Variants in ABCC11 observed in about 807,000 individuals in gnomAD.
The protein encoded by ABCC11 is ATP binding cassette subfamily C member 11, also known as ATP-binding cassette sub-family C member 11.
In ABCC11, 135 loss-of-function variants were observed where a neutral mutation model predicts 149.3. The observed-to-expected ratio is 0.90, with a 90% CI of 0.79 to 1.04. The LOEUF is 1.04. Ranked by LOEUF, ABCC11 falls within the 50% of genes least tolerant of loss-of-function variation. The pLI, the probability that ABCC11 is intolerant of heterozygous loss-of-function variation, is 0.00. For synonymous variants in ABCC11, 665 were observed against 671.4 expected (o/e 0.99, Z 0.15); for missense variants, 1,680 against 1,722.1 (o/e 0.98, Z 0.43).
chr16:48,186,354 T>C (rs1437318105), intron 22 of ABCC11, among the ~76,000 whole-genome samples: 1 of 152,212 alleles, frequency 6.6e-6, no homozygotes, highest in Non-Finnish European at 1.5e-5. Flanking sequence ...ATCTACCTTC[T>C]TCAATCACGT....
intron 5 of ABCC11, chr16:48,223,812 C>G (rs1349910378): frequency 6.5e-6 from 1 of 152,746 alleles, no homozygotes; most frequent in Non-Finnish European, 1.5e-5. Context: ...CCATTATTTC[C>G]TGCTACCTAC....
At chr16:48,226,572 C>T (rs8047397) in intron 4 of ABCC11, among the ~76,000 whole-genome samples, 19,921 of 151,866 alleles carry the variant, frequency 0.13, 1,583 homozygotes, top group African/African-American at 0.23. Flanking sequence ...CCACTGCACC[C>T]GGCCAATCCA....
At chr16:48,202,163 A>G (rs1968042574) in intron 14 of ABCC11, among the ~76,000 whole-genome samples, 1 of 152,174 alleles carries the variant, frequency 6.6e-6, no homozygotes. Flanking sequence ...AACACTTTGT[A>G]TTAACTCATT....
chr16:48,247,096 T>TAG (rs2150956777), intron 1 of ABCC11, among the ~76,000 whole-genome samples: 1 of 152,428 alleles, frequency 6.6e-6, no homozygotes, highest in East Asian at 1.9e-4. Flanking sequence ...TCAGACCATC[T>TAG]AGTTATCCTA....
intron 4 of ABCC11, 110 bp downstream of exon 4, chr16:48,227,696 C>G (rs574781193): frequency 8.4e-6 from 12 of 1,432,344 alleles, no homozygotes; most frequent in Non-Finnish European, 1.2e-5. Context: ...ACAGGAAGAG[C>G]CAAGTCGTCT....
In ABCC11 at chr16:48,175,347, G is replaced by T. The variant is rs773777352; in HGVS notation, c.3609C>A (p.Gly1203=). 1.2e-6 allele frequency: 2 copies of T among 1,614,030 alleles called. No individual in the cohort carries two copies. Among genetic ancestry groups the T allele is most frequent in the African/African-American group, 2.7e-5 (2 of 74,956 alleles). The change falls in exon 26 of 30, where the codon GGC becomes GGA. Residue 1203 remains glycine, a synonymous_variant. Transcript: ENST00000356608. ...EPMAGRILID[G]VDICSIGLED... The stretch of plus-strand genomic sequence containing the variant: ...CCAGGCCGATGCTGCAAATGTCCAC[G>T]CCGTCAATGAGAATCCGGCCTGCCA...
intron 6 of ABCC11, among the ~76,000 whole-genome samples, chr16:48,222,054 A>G (rs1451001270): frequency 6.6e-6 from 1 of 150,866 alleles, no homozygotes; most frequent in Non-Finnish European, 1.5e-5. Context: ...AGCTGGGTCT[A>G]CAGGCATGTA....
At chr16:48,240,629 G>A (rs559000560) in intron 1 of ABCC11, among the ~76,000 whole-genome samples, 2 of 152,118 alleles carry the variant, frequency 1.3e-5, no homozygotes, top group South Asian at 4.1e-4. Context: ...CACGGCACAT[G>A]TTTACCTATG....
intron 20 of ABCC11, among the ~76,000 whole-genome samples, chr16:48,190,958 G>A (rs981013268): frequency 6.6e-6 from 1 of 152,172 alleles, no homozygotes; most frequent in South Asian, 2.1e-4. Flanking sequence ...TTTTAGAAAA[G>A]GCAAAGCTAT....
Position 48,187,031 on chromosome 16 carries a change from A to G in ABCC11, c.2993T>C (p.Leu998Ser). ...KRLENYSRSPLFSHILNSLQG... is the reference protein window; with the variant it reads ...KRLENYSRSPSFSHILNSLQG... ...CAGAGAATTGAGGATGTGGGAGAAT[A>G]AAGGAGACCGGCTATAGTTCTCCAG... The change falls in exon 22 of 30, where the codon TTA becomes TCA. Residue 998 changes from leucine to serine, a missense_variant. Coordinates refer to ENST00000356608, the MANE Select transcript of ABCC11 (RefSeq NM_001370497.1). 6.2e-7 allele frequency: 1 copy of G among 1,614,158 alleles called. No homozygotes were observed. The highest frequency in any genetic ancestry group is 8.5e-7 in the Non-Finnish European group (1 of 1,180,022).
intron 18 of ABCC11, among the ~76,000 whole-genome samples, chr16:48,194,552 C>A (rs995009504): frequency 2.0e-5 from 3 of 152,174 alleles, no homozygotes; most frequent in Non-Finnish European, 4.4e-5. Context: ...TATGTTGAAA[C>A]CAAATTCCCA....
intron 1 of ABCC11, among the ~76,000 whole-genome samples, chr16:48,241,097 G>T (rs1970946124): frequency 1.3e-5 from 2 of 152,026 alleles, no homozygotes; most frequent in East Asian, 3.9e-4. Context: ...ACCACACCTG[G>T]CTAATTTTCT....
rs1967854712 is a variant in ABCC11 at position 48,200,410 on chromosome 16, A to G, written c.1948T>C (p.Ser650Pro). ...QRISLARAVY[S>P]DRQIYLLDDP... ...TCCAGCAGGTAGATCTGACGGTCGG[A>G]ATAGACGGCGCGGGCCAGGCTGATC... The change falls in exon 15 of 30, where the codon TCC (serine) becomes CCC (proline). Residue 650 changes from serine to proline, a missense_variant. Ser to Pro is a moderately conservative substitution (Grantham distance 74, BLOSUM62 -1). Coordinates refer to ENST00000356608, the MANE Select transcript of ABCC11 (RefSeq NM_001370497.1). 1.2e-6 allele frequency: 2 copies of G among 1,614,126 alleles called. No individual in the cohort carries two copies. The highest frequency in any genetic ancestry group is 1.7e-6 in the Non-Finnish European group (2 of 1,180,050).
At chr16:48,240,803 C>G (rs1047051461) in intron 1 of ABCC11, among the ~76,000 whole-genome samples, 20 of 152,094 alleles carry the variant, frequency 1.3e-4, no homozygotes, top group African/African-American at 4.8e-4. Context: ...ATAATACTTA[C>G]TAATTACAAA....
At chr16:48,182,107 C>T (rs1180390916) in intron 23 of ABCC11, among the ~76,000 whole-genome samples, 1 of 152,226 alleles carries the variant, frequency 6.6e-6, no homozygotes, top group Non-Finnish European at 1.5e-5. Flanking sequence ...GATGGAGCCC[C>T]TTTGCATGCC....
chr16:48,230,486 T>TC lies in ABCC11; in HGVS notation c.186dup (p.Lys63GlufsTer3). On this transcript the variant is annotated frameshift_variant, in exon 3 of 30. Transcript: ENST00000356608. LOFTEE classifies it high-confidence loss of function. Reference sequence around the variant, plus strand: ...ATGGTTCTCAAGGCAGCATCATACTTCCCCCACGGTGGGACAGCTGCCCTC... The same window carrying TC: ...ATGGTTCTCAAGGCAGCATCATACTTCCCCCCACGGTGGGACAGCTGCCCTC... The TC allele has an allele frequency of 1.2e-6, 2 of 1,612,348 alleles. No homozygotes were observed. Among genetic ancestry groups the TC allele is most frequent in the African/African-American group, 1.3e-5 (1 of 74,962 alleles).
Position 48,205,517 on chromosome 16 carries a change from C to G in ABCC11, c.1701G>C (p.Ser567=), listed in dbSNP as rs144057697. Residue 567 remains serine, a synonymous_variant, in exon 13 of 30, where the codon TCG becomes TCC. Coordinates refer to ENST00000356608, the MANE Select transcript of ABCC11 (RefSeq NM_001370497.1). ...ILEEMHLLEG[S]VGVQGSLAYV... is the part of the protein sequence containing the mutation. ...AGGCCAGGCTTCCCTGCACCCCCAC[C>G]GAGCCCTCGAGCAAGTGCATCTGCG... 6.2e-7 allele frequency: 1 copy of G among 1,614,012 alleles called. No homozygotes were observed. The highest frequency in any genetic ancestry group is 1.7e-4 in the Middle Eastern group (1 of 6,060).
At chr16:48,246,802 T>C (rs1444953332) in intron 1 of ABCC11, among the ~76,000 whole-genome samples, 1 of 152,124 alleles carries the variant, frequency 6.6e-6, no homozygotes, top group African/African-American at 2.4e-5. Context: ...CTCAAACTCC[T>C]GGACTCAAGC....
In ABCC11 at chr16:48,227,661, C is replaced by A; in HGVS notation, c.395+145G>T. ...ATTCATGAACCCCACGTTAAAAACC[C>A]TCACCTAGTATGAGGCCTCTTCCTA... On this transcript the variant is annotated intron_variant, in intron 4 of 29. Coordinates refer to ENST00000356608, the MANE Select transcript of ABCC11 (RefSeq NM_001370497.1). 4.0e-6 allele frequency: 4 copies of A among 999,934 alleles called. No individual in the cohort carries two copies. In the South Asian group the frequency reaches 5.8e-5, roughly 14 times the overall value. 61.9% of individuals were successfully genotyped at this position (999,934 alleles called of 1,614,324 possible).
Sources: gnomAD v4.1 joint callset for allele counts (sites outside exome capture counted in the v4.1 genomes callset) on GRCh38, gnomAD v4.1.1 for gene constraint, MANE v1.5 for transcripts, NCBI Gene and HGNC (gene_info 2026-07-23, HGNC 2026-07-21) for gene names.